SEMA4G: variants seen among roughly 807,000 people sequenced by gnomAD.
SEMA4G encodes semaphorin 4G.
In SEMA4G, 59 loss-of-function variants were observed where a neutral mutation model predicts 81.2. That is an observed-to-expected ratio of 0.73 (90% CI 0.59 to 0.90). The LOEUF is 0.90. Ranked by LOEUF, SEMA4G falls within the 40% of genes least tolerant of loss-of-function variation. The pLI is 0.00. For missense variants in SEMA4G, 952 were observed against 1,102.3 expected (o/e 0.86, Z 1.93); for synonymous variants, 404 against 433.9 (o/e 0.93, Z 0.86).
At chr10:100,979,922 T>C (rs1342003827) in exon 9 of SEMA4G, 2 of 1,614,150 alleles carry the variant, frequency 1.2e-6, no homozygotes, top group Non-Finnish European at 1.7e-6. Flanking sequence ...GGACCCTATA[T>C]GGAATACCAG....
chr10:100,970,204 C>A (rs1850591167), upstream of SEMA4G, among the ~76,000 whole-genome samples: 1 of 152,042 alleles, frequency 6.6e-6, no homozygotes, highest in African/African-American at 2.4e-5. Flanking sequence ...GGGGAAGAAC[C>A]CGAACTGTGG....
At chr10:100,982,256 G>C (rs1459551654) in intron 13 of SEMA4G, among the ~76,000 whole-genome samples, 1 of 152,020 alleles carries the variant, frequency 6.6e-6, no homozygotes, top group African/African-American at 2.4e-5. Flanking sequence ...TGAGTGACAG[G>C]AGAATAGGCT....
chr10:100,983,366 T>G (rs1384413039), exon 14 of SEMA4G: 19 of 1,606,050 alleles, frequency 1.2e-5, no homozygotes, highest in African/African-American at 2.7e-5. Flanking sequence ...TCCTGCCCTG[T>G]GACCAGCCAT....
chr10:100,978,477 G>T (rs752390993), intron 5 of SEMA4G, 50 bp from the exon 7 acceptor site: 2 of 1,591,504 alleles, frequency 1.3e-6, no homozygotes, highest in Non-Finnish European at 1.7e-6. Flanking sequence ...TATGTCATGT[G>T]CCCTGTTGAA....
intron 3 of SEMA4G, among the ~76,000 whole-genome samples, chr10:100,977,180 G>C (rs568194787): frequency 3.9e-4 from 60 of 152,288 alleles, no homozygotes; most frequent in African/African-American, 1.4e-3. Context: ...GACAAGGTGA[G>C]TTTGAAACAT....
intron 13 of SEMA4G, among the ~76,000 whole-genome samples, chr10:100,982,189 G>A (rs185237087): frequency 6.6e-4 from 101 of 152,002 alleles, no homozygotes; most frequent in African/African-American, 2.4e-3. Flanking sequence ...GAGGACATGG[G>A]GTAATGGGGT....
rs370354956 is a variant in SEMA4G at position 100,980,790 on chromosome 10, G to A, written c.1468-32G>A. ...GCTGTGTATCTGTATGAGTGGGGACGCTGCCGACCAACTGTCCTATCTGGC... is the reference window on the plus strand; with the variant it reads ...GCTGTGTATCTGTATGAGTGGGGACACTGCCGACCAACTGTCCTATCTGGC... On this transcript the variant is annotated intron_variant, in intron 11 of 13. Transcript: ENST00000370250. 6 of 1,554,142 alleles carry A rather than the reference G, an allele frequency of 3.9e-6. No individual in the cohort carries two copies. The African/African-American group carries it at 4.1e-5, about 11-fold the overall frequency.
At chr10:100,978,827 T>C in intron 6 of SEMA4G, 22 bp from the exon 8 acceptor site, 1 of 1,610,392 alleles carries the variant, frequency 6.2e-7, no homozygotes, top group Non-Finnish European at 8.5e-7. Flanking sequence ...CTCAAAAGCC[T>C]CTCAAACTGC....
exon 14 of SEMA4G, chr10:100,984,200 T>C: frequency 1.3e-6 from 2 of 1,527,188 alleles, no homozygotes; most frequent in Non-Finnish European, 1.8e-6. Context: ...ACTGCCTCCC[T>C]AACACAGCCA....
intron 10 of SEMA4G, 91 bp downstream of exon 11, chr10:100,980,435 C>G: frequency 7.1e-7 from 1 of 1,415,896 alleles, no homozygotes; most frequent in Non-Finnish European, 9.9e-7. Flanking sequence ...TCTGGAGTTC[C>G]CAGTGTCCTG....
At chr10:100,981,045 G>A (rs1589992927) in intron 12 of SEMA4G, 48 bp downstream of exon 13, 1 of 1,596,890 alleles carries the variant, frequency 6.3e-7, no homozygotes, top group Non-Finnish European at 8.5e-7. Flanking sequence ...GAGTGGAGGA[G>A]GAAGGCCTGA....
At chr10:100,984,204 A>T in exon 14 of SEMA4G, 1 of 1,521,940 alleles carries the variant, frequency 6.6e-7, no homozygotes, top group South Asian at 1.3e-5. Context: ...CCTCCCTAAC[A>T]CAGCCACCCT....
At chr10:100,972,674 C>T in exon 1 of SEMA4G, 1 of 500,284 alleles carries the variant, frequency 2.0e-6, no homozygotes, top group Non-Finnish European at 3.5e-6. Flanking sequence ...TCCCTCCCTC[C>T]TTCTGACCTC....
At chr10:100,975,088 T>C (rs1037931144) in intron 3 of SEMA4G, 10 of 519,298 alleles carry the variant, frequency 1.9e-5, no homozygotes, top group Admixed American at 1.1e-4. Context: ...AGGTAGAAAA[T>C]GGGGCTGGGG....
chr10:100,970,896 C>G (rs1473667350), upstream of SEMA4G, among the ~76,000 whole-genome samples: 2 of 152,294 alleles, frequency 1.3e-5, no homozygotes, highest in Middle Eastern at 3.4e-3. Flanking sequence ...GTGCACAGTC[C>G]TTGACACAAA....
chr10:100,973,082 T>C lies in SEMA4G; in HGVS notation c.124+46T>C, dbSNP rs1490234437. The C allele has an allele frequency of 1.2e-6, 2 of 1,613,832 alleles. No individual in the cohort carries two copies. Among genetic ancestry groups the C allele is most frequent in the East Asian group, 2.2e-5 (1 of 44,854 alleles). On this transcript the variant is annotated intron_variant, in intron 1 of 13. Coordinates refer to ENST00000370250, the Ensembl canonical transcript of SEMA4G. The surrounding 1 kb of genome is among the most constrained non-coding windows in gnomAD (Gnocchi z 5.5). ...AGGCAGCAGAAGCCAGGGCTGGGGG[T>C]GGGGAGGCACCCCAGAACTAGGGCT...
chr10:100,977,590 G>A, intron 3 of SEMA4G, 42 bp from the exon 5 acceptor site: 1 of 1,527,666 alleles, frequency 6.5e-7, no homozygotes, highest in Non-Finnish European at 9.1e-7. Flanking sequence ...GAGGCTTCTA[G>A]TCAGGCAGGG....
chr10:100,983,390 G>A, exon 14 of SEMA4G: 1 of 1,611,782 alleles, frequency 6.2e-7, no homozygotes. Context: ...ACCTGGCCCG[G>A]GCCTTGTGGC....
chr10:100,982,076 AAG>A (rs1554884590), intron 13 of SEMA4G, among the ~76,000 whole-genome samples: 85 of 150,554 alleles, frequency 5.6e-4, no homozygotes, highest in Middle Eastern at 3.4e-3. Flanking sequence ...AAAAAAAAAA[AAG>A]AAAGAAAAAA....
Sources: gnomAD v4.1 joint callset for allele counts (sites outside exome capture counted in the v4.1 genomes callset) on GRCh38, gnomAD v4.1.1 for gene constraint, Gnocchi (gnomAD v3.1) non-coding constraint, MANE v1.5 for transcripts, NCBI Gene and HGNC (gene_info 2026-07-23, HGNC 2026-07-21) for gene names.